VWF: variants seen among roughly 807,000 people sequenced by gnomAD.
VWF encodes the protein von Willebrand factor.
VWF carries 176 observed loss-of-function variants against 308.6 expected under a neutral mutation model. The observed-to-expected ratio is 0.57, with a 90% CI of 0.50 to 0.65. The LOEUF (loss-of-function observed/expected upper bound fraction) is 0.65. VWF is among the 30% of genes least tolerant of loss of function. The probability of loss-of-function intolerance (pLI) is 0.00; values close to 1 mark genes in which losing one functional copy is unlikely to be tolerated. For synonymous variants in VWF, 1,385 were observed against 1,443.4 expected, an observed-to-expected ratio of 0.96 and a Z score of 0.92; for missense variants, 3,146 against 3,648.2, an observed-to-expected ratio of 0.86 and a Z score of 3.55.
Position 5,994,063 on chromosome 12 carries a change from C to T in VWF, c.6397G>A (p.Val2133Ile). The T allele has an allele frequency of 6.2e-7, 1 of 1,614,172 alleles. No homozygotes were observed. Among genetic ancestry groups the T allele is most frequent in the Non-Finnish European group, 8.5e-7 (1 of 1,180,038 alleles). The change falls in exon 37 of 52, where the codon GTC becomes ATC. Residue 2133 changes from valine to isoleucine, a missense_variant. Around this residue, in one of 3 missense-constraint regions of VWF, gnomAD observed 989 missense variants for 1,117.4 expected, o/e 0.89. Transcript: ENST00000261405. Reference sequence around the variant, plus strand: ...ACCTGGCAGTGGGAGCTGTCGGGGACAAGACACTGCTCCTCCAGGATGGGC... The same window carrying T: ...ACCTGGCAGTGGGAGCTGTCGGGGATAAGACACTGCTCCTCCAGGATGGGC... ...CQPILEEQCL[V>I]PDSSHCQVLL...
Position 6,113,384 on chromosome 12 carries a change from GC to G in VWF, c.221-2417del, listed in dbSNP as rs1329066460. 4.0e-5 allele frequency among the ~76,000 whole-genome samples: 6 copies of G among 148,776 alleles called. 1 individual carries two copies. The highest frequency in any genetic ancestry group is 1.5e-4 in the African/African-American group (6 of 40,162). On this transcript the variant is annotated intron_variant, in intron 3 of 51. Transcript: ENST00000261405. ...GCGATCTCGGCTCACTGCAAGCTCC[GC>G]CTCCCGGGTTCACGCCATTCTCCTG...
In VWF at chr12:6,096,154, T is replaced by TGGATGGAC. The variant is rs1555074261; in HGVS notation, c.533-571_533-570insGTCCATCC. Among the ~76,000 whole-genome samples, 999 of 148,432 alleles carry TGGATGGAC rather than the reference T, an allele frequency of 6.7e-3. 31 individuals carry two copies. Among genetic ancestry groups the TGGATGGAC allele is most frequent in the African/African-American group, 0.023 (921 of 39,764 alleles). On this transcript the variant is annotated intron_variant, in intron 5 of 51. Transcript: ENST00000261405. ...ATGGATGGATGGATGGATGGATGGA[T>TGGATGGAC]GGACGGTTACAATTACGATGAGGGA...
intron 3 of VWF, among the ~76,000 whole-genome samples, chr12:6,116,835 G>A (rs1348379487): frequency 6.6e-6 from 1 of 152,228 alleles, no homozygotes; most frequent in Non-Finnish European, 1.5e-5. Flanking sequence ...AGGTCCACAG[G>A]CACTCGGGAG....
chr12:5,961,323 G>A (rs1390443293), intron 47 of VWF, among the ~76,000 whole-genome samples: 2 of 152,100 alleles, frequency 1.3e-5, no homozygotes, highest in Non-Finnish European at 2.9e-5. Flanking sequence ...TGTCTTCCAC[G>A]AAACTGGTCC....
At position 6,046,219 on chromosome 12, in the gene VWF, CAA is replaced by C. The variant is rs1007035845; in HGVS notation, c.2281+502_2281+503del. On this transcript the variant is annotated intron_variant, in intron 17 of 51. Coordinates refer to ENST00000261405, the MANE Select transcript of VWF (RefSeq NM_000552.5). This position sits in a 1 kb window ranked among gnomAD's most constrained non-coding sequence, Gnocchi z 5.0. ...AACCTGGGTGACAGAGTGAGACTCTCAAAAAAAAAAGACAGTGCAGCCACCGT... is the reference window on the plus strand; with the variant it reads ...AACCTGGGTGACAGAGTGAGACTCTCAAAAAAAAGACAGTGCAGCCACCGT... Among the ~76,000 whole-genome samples the C allele has an allele frequency of 1.4e-5, 2 of 147,158 alleles. No individual in the cohort carries two copies. The highest frequency in any genetic ancestry group is 1.4e-4 in the Admixed American group (2 of 14,712).
chr12:6,013,754 G>A lies in VWF; in HGVS notation c.5456-109C>T, dbSNP rs1302650693. On this transcript the variant is annotated intron_variant, in intron 31 of 51. Transcript: ENST00000261405. ...ATACAGCCTCATGTTTTCCAGGCTGGTCACATACATCAGCCCTATGAGGAA... is the reference window on the plus strand; with the variant it reads ...ATACAGCCTCATGTTTTCCAGGCTGATCACATACATCAGCCCTATGAGGAA... 4 of 1,263,890 alleles carry A rather than the reference G, an allele frequency of 3.2e-6. No homozygotes were observed. The African/African-American group carries it at 5.9e-5, about 19-fold the overall frequency. The allele number at this position is 1,263,890 out of a possible 1,614,324, so 78.3% of individuals were successfully genotyped here. A position where few individuals can be genotyped will look rare whatever the true frequency, so the allele number is the denominator to read the frequency against.
intron 20 of VWF, among the ~76,000 whole-genome samples, chr12:6,032,562 G>A (rs1040942874): frequency 3.5e-5 from 5 of 141,540 alleles, no homozygotes; most frequent in Admixed American, 7.1e-5. Context: ...GGCATGAATC[G>A]AGGAGGCGGA....
chr12:5,993,633 ATGTG>A lies in VWF; in HGVS notation c.6598+225_6598+228del, dbSNP rs141921218. On this transcript the variant is annotated intron_variant, in intron 37 of 51. Transcript: ENST00000261405. ...TATGTGTGTATATATATACATATATATGTGTGTGTGTGTGTGTATATATATATAT... is the reference window on the plus strand; with the variant it reads ...TATGTGTGTATATATATACATATATATGTGTGTGTGTGTATATATATATAT... 3.1e-3 allele frequency among the ~76,000 whole-genome samples: 452 copies of A among 143,666 alleles called. 2 individuals carry two copies. Among genetic ancestry groups the A allele is most frequent in the Admixed American group, 9.5e-3 (133 of 14,056 alleles). 94.3% of individuals were successfully genotyped at this position (143,666 alleles called of 152,430 possible). A position where few individuals can be genotyped will look rare whatever the true frequency, so the allele number is the denominator to read the frequency against.
At chr12:5,991,575 T>C (rs558506132) in intron 38 of VWF, among the ~76,000 whole-genome samples, 134 of 152,318 alleles carry the variant, frequency 8.8e-4, no homozygotes, top group Non-Finnish European at 1.2e-3. Context: ...ACAATCATAA[T>C]AATAATGTGG....
At chr12:5,977,073 C>G (rs575983401) in intron 42 of VWF, among the ~76,000 whole-genome samples, 1 of 152,302 alleles carries the variant, frequency 6.6e-6, no homozygotes, top group African/African-American at 2.4e-5. Context: ...TCTTCTCAGT[C>G]TTCTAGCTTC....
rs1162889252 is a variant in VWF, at chr12:6,062,945, G to A, written c.1533+9C>T. 3 of 1,611,018 alleles carry A rather than the reference G, an allele frequency of 1.9e-6. No individual in the cohort carries two copies. In the South Asian group the frequency reaches 3.3e-5, roughly 18 times the overall value. On this transcript the variant is annotated intron_variant, in intron 13 of 51. Transcript: ENST00000261405. ...CCGCAGGGAGCCAGTACCCCGTGAG[G>A]GCACCTACCTTCACCAGCAGCCTCC...
Position 6,052,702 on chromosome 12 carries a change from T to C in VWF, c.2027A>G (p.Asp676Gly), listed in dbSNP as rs772709356. The C allele has an allele frequency of 5.0e-6, 8 of 1,614,166 alleles. No individual in the cohort carries two copies. The highest frequency in any genetic ancestry group is 6.8e-6 in the Non-Finnish European group (8 of 1,180,028). ...NLTCRSLSYP[D>G]EECNEACLEG... ...CAGGCAGGCCTCATTGCATTCCTCA[T>C]CCGGGTAAGAGAGAGAGCGGCAGGT... The change falls in exon 16 of 52, where the codon GAT (aspartate) becomes GGT (glycine). Residue 676 changes from aspartate to glycine, a missense_variant. Asp to Gly is a moderately conservative substitution (Grantham distance 94, BLOSUM62 -1). This residue lies in a region of VWF where 1,304 missense variants were observed against 1,353.0 expected (regional missense o/e 0.96). Coordinates refer to ENST00000261405, the MANE Select transcript of VWF (RefSeq NM_000552.5).
rs73259102 is a variant in VWF, at chr12:5,979,120, C to T, written c.7287+2666G>A. Among the ~76,000 whole-genome samples, 636 of 152,314 alleles carry T rather than the reference C, an allele frequency of 4.2e-3. 1 individual carries two copies. Among genetic ancestry groups the T allele is most frequent in the African/African-American group, 0.014 (601 of 41,574 alleles). On this transcript the variant is annotated intron_variant, in intron 42 of 51. Coordinates refer to ENST00000261405, the MANE Select transcript of VWF (RefSeq NM_000552.5). ...GAAGCTAAAAACAAAAAACCTCTTT[C>T]GCTGTCCTTGACAGTTGCTAGAGCA...
At position 5,949,108 on chromosome 12, in the gene VWF, C is replaced by T. The variant is rs1441108589; in HGVS notation, c.8349G>A (p.Gln2783=). The change falls in exon 52 of 52, where the codon CAG becomes CAA. Residue 2783 remains glutamine (Q), a synonymous_variant. Coordinates refer to ENST00000261405, the MANE Select transcript of VWF (RefSeq NM_000552.5). ...AGCCATTGGTGCAGTGCAGGGCCAC[C>T]TGCATGGGCTCCGTCCGTGTCGGAG... ...CCSPTRTEPM[Q]VALHCTNGSV... 1 of 1,614,136 alleles carries T rather than the reference C, an allele frequency of 6.2e-7. No homozygotes were observed. The highest frequency in any genetic ancestry group is 2.2e-5 in the East Asian group (1 of 44,898).
intron 46 of VWF, 62 bp downstream of exon 46, chr12:5,968,065 T>C: frequency 6.2e-7 from 1 of 1,608,158 alleles, no homozygotes; most frequent in Non-Finnish European, 8.5e-7. Context: ...CCTGCTCCCC[T>C]TCCCACAGTA....
chr12:5,954,199 C>T (rs1308820417), intron 47 of VWF, among the ~76,000 whole-genome samples: 1 of 152,126 alleles, frequency 6.6e-6, no homozygotes, highest in Non-Finnish European at 1.5e-5. Flanking sequence ...ATTCTTGCTC[C>T]CCTGCTACAG....
chr12:6,079,932 G>A (rs1451479876), intron 6 of VWF, among the ~76,000 whole-genome samples: 2 of 152,084 alleles, frequency 1.3e-5, no homozygotes, highest in African/African-American at 4.8e-5. Context: ...CCAGGCTCAA[G>A]GAATGCAATA....
chr12:6,123,938 T>C (rs144684845), intron 1 of VWF, among the ~76,000 whole-genome samples: 7 of 152,180 alleles, frequency 4.6e-5, no homozygotes, highest in African/African-American at 1.7e-4. Context: ...TCGGGAAAAG[T>C]TGTTAAATGA....
In VWF at chr12:6,031,700, G is replaced by A. The variant is rs1358180675; in HGVS notation, c.2686-122C>T. On this transcript the variant is annotated intron_variant, in intron 20 of 51. Transcript: ENST00000261405. ...TGTCACAGGATCTTGCCACGTCCATGGCTGCGCATATGTGCCTCTGTGTGT... is the reference window on the plus strand; with the variant it reads ...TGTCACAGGATCTTGCCACGTCCATAGCTGCGCATATGTGCCTCTGTGTGT... 28 of 1,485,142 alleles carry A rather than the reference G, an allele frequency of 1.9e-5. No individual in the cohort carries two copies. The East Asian group carries it at 6.0e-4, about 32-fold the overall frequency. 92.0% of individuals were successfully genotyped at this position (1,485,142 alleles called of 1,614,324 possible). A position where few individuals can be genotyped will look rare whatever the true frequency, so the allele number is the denominator to read the frequency against.
Sources: allele counts gnomAD v4.1 joint callset (sites outside exome capture counted in the v4.1 genomes callset), GRCh38; gene constraint gnomAD v4.1.1; regional missense constraint gnomAD v4.1.1; non-coding constraint Gnocchi (gnomAD v3.1); transcripts MANE v1.5; gene names NCBI Gene and HGNC (gene_info 2026-07-23, HGNC 2026-07-21).